B4GALNT2: variants seen among roughly 807,000 people sequenced by gnomAD.
B4GALNT2 encodes the protein beta-1,4-N-acetyl-galactosaminyltransferase 2 (SID blood group).
In B4GALNT2, 42 loss-of-function variants were observed where a neutral mutation model predicts 51.1. The ratio of observed to expected loss-of-function variants is 0.82; its 90% CI spans 0.64 to 1.06. The LOEUF (loss-of-function observed/expected upper bound fraction) is 1.06, where lower values mean the gene tolerates loss of function less well. Among genes scored for constraint, B4GALNT2 ranks in the 50% least tolerant of loss-of-function variants. The pLI, the probability that B4GALNT2 is intolerant of heterozygous loss-of-function variation, is 0.00. For missense variants in B4GALNT2, 602 were observed against 633.6 expected (o/e 0.95, Z 0.54); for synonymous variants, 253 against 251.7 (o/e 1.01, Z -0.05).
At chr17:49,127,103 A>C in the B4GALNT2 span, among the ~76,000 whole-genome samples, 2 of 152,248 alleles carry the variant, frequency 1.3e-5, no homozygotes, top group African/African-American at 4.8e-5. Context: ...TGTTGTAAAC[A>C]TTCCTTTCTT....
chr17:49,131,908 C>T (rs573151023), upstream of B4GALNT2, among the ~76,000 whole-genome samples: 4 of 152,206 alleles, frequency 2.6e-5, no homozygotes, highest in African/African-American at 9.6e-5. Context: ...CGAGACAGGA[C>T]GATTGCTTGA....
chr17:49,140,893 A>G (rs2042637616), intron 1 of B4GALNT2, among the ~76,000 whole-genome samples: 1 of 151,560 alleles, frequency 6.6e-6, no homozygotes, highest in African/African-American at 2.4e-5. Context: ...TAATTTTTGT[A>G]TTTTTAGTAG....
At position 49,172,747 on chromosome 17, in the gene B4GALNT2, C is replaced by A. The variant is rs555940956; in HGVS notation, c.*3019C>A. The A allele has an allele frequency of 1.3e-5, 2 of 152,142 alleles. No individual in the cohort carries two copies. Among genetic ancestry groups the A allele is most frequent in the African/African-American group, 4.8e-5 (2 of 41,478 alleles). The allele number at this position is 152,142 out of a possible 1,614,324, so 9.4% of individuals were successfully genotyped here. ...TAATAGAAGCTGGAATGCCCATCAC[C>A]GCAAAACACTGCAAAAGGTGACGTT... On this transcript the variant is annotated 3_prime_UTR_variant, in exon 11 of 11. Coordinates refer to ENST00000393354, the MANE Select transcript of B4GALNT2 (RefSeq NM_001159387.2).
intron 7 of B4GALNT2, among the ~76,000 whole-genome samples, chr17:49,161,277 A>AG (rs2042862572): frequency 2.0e-5 from 3 of 151,184 alleles, no homozygotes; most frequent in Non-Finnish European, 4.4e-5. Flanking sequence ...TCTGTCTTGA[A>AG]AAAAAAAAAA....
upstream of B4GALNT2, among the ~76,000 whole-genome samples, chr17:49,129,204 GAGAGAT>G (rs1189564149): frequency 2.6e-4 from 39 of 151,576 alleles, no homozygotes; most frequent in Admixed American, 1.1e-3. Flanking sequence ...GAGAGAGAGA[GAGAGAT>G]AGAGAGGAGG....
chr17:49,135,357 T>A (rs1402745182), intron 1 of B4GALNT2, among the ~76,000 whole-genome samples: 1 of 152,002 alleles, frequency 6.6e-6, no homozygotes, highest in Non-Finnish European at 1.5e-5. Context: ...TTTTTTTTTT[T>A]TTTGACGGAG....
At chr17:49,142,784 C>T (rs2042657169) in intron 3 of B4GALNT2, among the ~76,000 whole-genome samples, 1 of 152,178 alleles carries the variant, frequency 6.6e-6, no homozygotes, top group African/African-American at 2.4e-5. Flanking sequence ...CCTCCATGCA[C>T]CCAGGCCATC....
At position 49,173,069 on chromosome 17, in the gene B4GALNT2, G is replaced by T. The variant is rs2042967152; in HGVS notation, c.*3341G>T. 6.6e-6 allele frequency: 1 copy of T among 152,246 alleles called. No homozygotes were observed. The highest frequency in any genetic ancestry group is 2.4e-5 in the African/African-American group (1 of 41,460). The allele number at this position is 152,246 out of a possible 1,614,324, so 9.4% of individuals were successfully genotyped here. On this transcript the variant is annotated 3_prime_UTR_variant, in exon 11 of 11. Coordinates refer to ENST00000393354, the MANE Select transcript of B4GALNT2 (RefSeq NM_001159387.2). ...ATAGGTTAAATTGTGAAAGTGTCTA[G>T]CGTTAGATATTGCATTAGCAACTAG...
chr17:49,152,522 C>A (rs1483759332), intron 3 of B4GALNT2, among the ~76,000 whole-genome samples: 2 of 152,010 alleles, frequency 1.3e-5, no homozygotes, highest in African/African-American at 4.8e-5. Context: ...AAAAATACAA[C>A]AAAATTAGCC....
At chr17:49,123,882 G>C in the B4GALNT2 span, among the ~76,000 whole-genome samples, 14 of 152,220 alleles carry the variant, frequency 9.2e-5, no homozygotes, top group Admixed American at 9.2e-4. Context: ...TTAAAGGAAA[G>C]CACACCATTC....
intron 4 of B4GALNT2, among the ~76,000 whole-genome samples, chr17:49,155,256 C>T (rs1306546776): frequency 1.4e-5 from 2 of 146,546 alleles, no homozygotes; most frequent in Non-Finnish European, 3.0e-5. Context: ...TGAGATCACA[C>T]CACTGCACTC....
At chr17:49,150,482 CGGGGAAGGGT>C (rs1400688002) in intron 3 of B4GALNT2, among the ~76,000 whole-genome samples, 1 of 151,530 alleles carries the variant, frequency 6.6e-6, no homozygotes, top group African/African-American at 2.4e-5. Context: ...GAATAGAAAG[CGGGGAAGGGT>C]GGGGAAAAGA....
intron 3 of B4GALNT2, among the ~76,000 whole-genome samples, chr17:49,147,599 C>T (rs185201168): frequency 0.01 from 1,532 of 152,030 alleles, 92 homozygotes; most frequent in Admixed American, 0.095. Context: ...TTGTCTCAAA[C>T]TCCTGAGCTC....
chr17:49,146,093 T>C (rs2042692408), intron 3 of B4GALNT2, among the ~76,000 whole-genome samples: 1 of 152,084 alleles, frequency 6.6e-6, no homozygotes, highest in African/African-American at 2.4e-5. Flanking sequence ...ATCCTGGCCA[T>C]GGGAGAATCA....
At chr17:49,123,460 G>A in the B4GALNT2 span, among the ~76,000 whole-genome samples, 1 of 152,216 alleles carries the variant, frequency 6.6e-6, no homozygotes, top group Non-Finnish European at 1.5e-5. Flanking sequence ...AATAACAGGT[G>A]TGCTATAGTT....
At position 49,171,783 on chromosome 17, in the gene B4GALNT2, T is replaced by C. The variant is rs1383610015; in HGVS notation, c.*2055T>C. Reference sequence around the variant, plus strand: ...GGAATCGTTGTGCAGCACCTCTACCTGTTCTGCAATGCAATCTTCCCAAAC... The same window carrying C: ...GGAATCGTTGTGCAGCACCTCTACCCGTTCTGCAATGCAATCTTCCCAAAC... On this transcript the variant is annotated 3_prime_UTR_variant, in exon 11 of 11. Transcript: ENST00000393354. The C allele has an allele frequency of 2.4e-6, 1 of 419,266 alleles. No homozygotes were observed. Among genetic ancestry groups the C allele is most frequent in the Non-Finnish European group, 4.6e-6 (1 of 215,990 alleles). 26.0% of individuals were successfully genotyped at this position (419,266 alleles called of 1,614,324 possible).
In B4GALNT2 at chr17:49,151,768, C is replaced by T. The variant is rs187312396; in HGVS notation, c.354-1032C>T. Among the ~76,000 whole-genome samples, 62 of 151,214 alleles carry T rather than the reference C, an allele frequency of 4.1e-4. No homozygotes were observed. In the East Asian group the frequency reaches 0.012, roughly 29 times the overall value. On this transcript the variant is annotated intron_variant, in intron 3 of 10. Transcript: ENST00000393354. Reference sequence around the variant, plus strand: ...ACAAAAAAAAAAAAAAAATCGTTATCAACAACCAAAAAAACCATAAAAATA... The same window carrying T: ...ACAAAAAAAAAAAAAAAATCGTTATTAACAACCAAAAAAACCATAAAAATA...
chr17:49,147,715 A>G (rs1032868812), intron 3 of B4GALNT2, among the ~76,000 whole-genome samples: 2 of 151,542 alleles, frequency 1.3e-5, no homozygotes. Context: ...GACCACTACC[A>G]CTGCTATTCT....
intron 9 of B4GALNT2, 87 bp from the exon 10 acceptor site, chr17:49,168,594 C>A (rs891986357): frequency 1.6e-6 from 2 of 1,226,340 alleles, no homozygotes; most frequent in Non-Finnish European, 2.3e-6. Flanking sequence ...TTGTTATAAC[C>A]GAGGTGCAGT....
Sources: allele counts gnomAD v4.1 joint callset (sites outside exome capture counted in the v4.1 genomes callset), GRCh38; gene constraint gnomAD v4.1.1; transcripts MANE v1.5; gene names NCBI Gene and HGNC (gene_info 2026-07-23, HGNC 2026-07-21).